Variants in TANC1 observed in about 807,000 individuals in gnomAD.
TANC1 encodes the protein protein TANC1.
Under a neutral mutation model 149.7 loss-of-function variants are expected in TANC1, and 77 were observed. That is an observed-to-expected ratio of 0.51 (90% confidence interval 0.43 to 0.62). The LOEUF (loss-of-function observed/expected upper bound fraction) is 0.62. Among genes scored for constraint, TANC1 ranks in the 20% least tolerant of loss-of-function variants. The probability of loss-of-function intolerance (pLI) is 0.00; values close to 1 mark genes in which losing one functional copy is unlikely to be tolerated. For synonymous variants in TANC1, 854 were observed against 925.0 expected (o/e 0.92, Z 1.39); for missense variants, 1,985 against 2,321.8 (o/e 0.85, Z 2.98).
chr2:159,210,570 T>C (rs916862639), intron 19 of TANC1, among the ~76,000 whole-genome samples: 3 of 152,016 alleles, frequency 2.0e-5, no homozygotes, highest in African/African-American at 7.3e-5. Context: ...TGTTTGTTTG[T>C]TTTTTGTTTT....
chr2:159,082,751 T>C (rs2044410606), intron 3 of TANC1, among the ~76,000 whole-genome samples: 1 of 152,130 alleles, frequency 6.6e-6, no homozygotes, highest in Admixed American at 6.6e-5. Flanking sequence ...ACCAGAAACC[T>C]GTGTGTCTTC....
chr2:159,150,546 T>C lies in TANC1; in HGVS notation c.672T>C (p.Ser224=). ...SPSSTLESKD[S]GIIATITSSS... is the part of the protein sequence containing the mutation. ...GTTCCACCCTGGAAAGCAAGGACAG[T>C]GGAATTATAGGTAAGAAGCACACTG... The change falls in exon 7 of 27, where the codon AGT becomes AGC. Residue 224 remains serine (S), a synonymous_variant. Coordinates refer to ENST00000263635, the MANE Select transcript of TANC1 (RefSeq NM_033394.3). 6.2e-7 allele frequency: 1 copy of C among 1,613,410 alleles called. No homozygotes were observed. The highest frequency in any genetic ancestry group is 2.2e-5 in the East Asian group (1 of 44,876).
intron 3 of TANC1, among the ~76,000 whole-genome samples, chr2:159,076,955 A>G (rs960038585): frequency 9.2e-5 from 14 of 151,430 alleles, no homozygotes; most frequent in African/African-American, 3.4e-4. Context: ...AATTTTCTTT[A>G]TAATTTCTTC....
At chr2:159,059,890 G>T (rs1347699497) in intron 2 of TANC1, among the ~76,000 whole-genome samples, 1 of 92,372 alleles carries the variant, frequency 1.1e-5, no homozygotes, top group Non-Finnish European at 1.9e-5. Context: ...AGACCTCTTT[G>T]TGTGTGTGTG....
intron 3 of TANC1, among the ~76,000 whole-genome samples, chr2:159,069,406 G>A (rs1181703031): frequency 6.6e-6 from 1 of 152,056 alleles, no homozygotes; most frequent in Non-Finnish European, 1.5e-5. Context: ...CTTTATGTTA[G>A]GACCTTGATC....
chr2:159,086,777 C>T (rs2044910831), intron 3 of TANC1, among the ~76,000 whole-genome samples: 1 of 152,134 alleles, frequency 6.6e-6, no homozygotes, highest in Non-Finnish European at 1.5e-5. Flanking sequence ...AAATAACCAC[C>T]ATCATCTTAC....
chr2:159,213,834 T>C (rs1204246943), intron 19 of TANC1, among the ~76,000 whole-genome samples: 2 of 152,028 alleles, frequency 1.3e-5, no homozygotes, highest in African/African-American at 2.4e-5. Flanking sequence ...TATTAGAATT[T>C]AGTAACAGCG....
chr2:159,200,263 A>G (rs1468429294), intron 19 of TANC1, among the ~76,000 whole-genome samples: 1 of 152,200 alleles, frequency 6.6e-6, no homozygotes, highest in Non-Finnish European at 1.5e-5. Context: ...CCTAGTGATA[A>G]GAGCCTCCTG....
intron 4 of TANC1, among the ~76,000 whole-genome samples, chr2:159,133,015 C>T (rs1378283688): frequency 6.6e-6 from 1 of 152,052 alleles, no homozygotes; most frequent in African/African-American, 2.4e-5. Flanking sequence ...ATGAAATAGC[C>T]CACATTTTAA....
At chr2:159,148,394 A>G (rs1433939020) in intron 5 of TANC1, 8 of 152,244 alleles carry the variant, frequency 5.3e-5, no homozygotes, top group Admixed American at 5.2e-4. Context: ...CTTAAGTACA[A>G]AAAAACCAGA....
intron 8 of TANC1, among the ~76,000 whole-genome samples, chr2:159,166,243 T>C (rs1471675012): frequency 6.6e-6 from 1 of 152,226 alleles, no homozygotes. Context: ...CTGTGTTTAA[T>C]TTTCCAGGAA....
At chr2:159,112,738 G>A (rs140420921) in intron 4 of TANC1, among the ~76,000 whole-genome samples, 185 of 152,040 alleles carry the variant, frequency 1.2e-3, no homozygotes, top group African/African-American at 4.3e-3. Context: ...ACCATGGCCG[G>A]GTAATTTTTT....
intron 4 of TANC1, among the ~76,000 whole-genome samples, chr2:159,135,346 C>A (rs143475836): frequency 1.3e-5 from 2 of 152,340 alleles, no homozygotes; most frequent in East Asian, 3.9e-4. Context: ...TTTGACGTAC[C>A]TTTAGCTAGT....
At chr2:159,077,656 A>G (rs1358497935) in intron 3 of TANC1, among the ~76,000 whole-genome samples, 3 of 152,218 alleles carry the variant, frequency 2.0e-5, no homozygotes, top group Non-Finnish European at 4.4e-5. Flanking sequence ...ACATATCGAT[A>G]TATAGCCTTC....
chr2:159,041,406 C>A (rs2040618292), intron 2 of TANC1, among the ~76,000 whole-genome samples: 2 of 152,216 alleles, frequency 1.3e-5, no homozygotes, highest in Admixed American at 1.3e-4. Context: ...TCTACAGAGG[C>A]AGGCAGGCCT....
intron 4 of TANC1, among the ~76,000 whole-genome samples, chr2:159,112,553 G>GC (rs1327102378): frequency 8.7e-6 from 1 of 115,064 alleles, no homozygotes; most frequent in Non-Finnish European, 1.8e-5. Context: ...ACTGCACCCA[G>GC]CCTTTTTTTT....
At chr2:159,041,809 C>T (rs2040661018) in intron 2 of TANC1, among the ~76,000 whole-genome samples, 1 of 152,204 alleles carries the variant, frequency 6.6e-6, no homozygotes. Flanking sequence ...CACCCAGTCC[C>T]AGCTGAGATG....
intron 2 of TANC1, among the ~76,000 whole-genome samples, chr2:159,003,534 C>T (rs2036816623): frequency 6.6e-6 from 1 of 152,196 alleles, no homozygotes; most frequent in Non-Finnish European, 1.5e-5. Flanking sequence ...GTTAAATTGC[C>T]TGCCCGAGGC....
At position 158,987,383 on chromosome 2, in the gene TANC1, G is replaced by A. The variant is rs183262690; in HGVS notation, c.-125-13697G>A. On this transcript the variant is annotated intron_variant, in intron 1 of 26. Coordinates refer to ENST00000263635, the MANE Select transcript of TANC1 (RefSeq NM_033394.3). ...TCTACAAAAAATACAAAAATTAGCC[G>A]GCTGTGGTGGTGCACACCTGTAGTT... Among the ~76,000 whole-genome samples, 135 of 151,994 alleles carry A rather than the reference G, an allele frequency of 8.9e-4. 1 individual carries two copies. The highest frequency in any genetic ancestry group is 1.8e-3 in the Non-Finnish European group (119 of 67,974).
Sources: gnomAD v4.1 joint callset for allele counts (sites outside exome capture counted in the v4.1 genomes callset) on GRCh38, gnomAD v4.1.1 for gene constraint, MANE v1.5 for transcripts, NCBI Gene and HGNC (gene_info 2026-07-23, HGNC 2026-07-21) for gene names.